Variants in MIGA1 observed in about 807,000 individuals in gnomAD.
The protein encoded by MIGA1 is mitoguardin 1, also known as family with sequence similarity 73, member A.
MIGA1 carries 58 observed loss-of-function variants against 82.0 expected under a neutral mutation model. That is an observed-to-expected ratio of 0.71 (90% CI 0.57 to 0.88). The LOEUF (loss-of-function observed/expected upper bound fraction) is 0.88, where lower values mean the gene tolerates loss of function less well. MIGA1 is among the 40% of genes least tolerant of loss of function. The probability of loss-of-function intolerance (pLI) is 0.00; values close to 1 mark genes in which losing one functional copy is unlikely to be tolerated. For synonymous variants in MIGA1, 249 were observed against 253.6 expected (o/e 0.98, Z 0.17); for missense variants, 751 against 749.1 (o/e 1.00, Z -0.03).
intron 1 of MIGA1, chr1:77,780,212 C>A: frequency 1.0e-6 from 1 of 985,826 alleles, no homozygotes. Flanking sequence ...CTGGTGAGGT[C>A]TCAGGTTCGG....
intron 8 of MIGA1, among the ~76,000 whole-genome samples, chr1:77,854,159 G>A (rs1386703483): frequency 1.3e-5 from 2 of 152,130 alleles, no homozygotes; most frequent in Non-Finnish European, 2.9e-5. Flanking sequence ...CCATTCCTGA[G>A]TTACTTCACT....
At chr1:77,843,955 C>T (rs576012575) in intron 8 of MIGA1, among the ~76,000 whole-genome samples, 1 of 151,350 alleles carries the variant, frequency 6.6e-6, no homozygotes, top group East Asian at 1.9e-4. Flanking sequence ...AAAAAATTAA[C>T]CAGATGTGGT....
At chr1:77,791,463 A>G (rs1252530255) in intron 2 of MIGA1, among the ~76,000 whole-genome samples, 1 of 151,798 alleles carries the variant, frequency 6.6e-6, no homozygotes, top group African/African-American at 2.4e-5. Flanking sequence ...GTCATTTAAT[A>G]TTACAAAATA....
chr1:77,827,862 G>A (rs1156242258), intron 7 of MIGA1, among the ~76,000 whole-genome samples: 1 of 152,126 alleles, frequency 6.6e-6, no homozygotes, highest in Non-Finnish European at 1.5e-5. Context: ...GCTTCTTGGA[G>A]ATTGGAGTGG....
intron 8 of MIGA1, among the ~76,000 whole-genome samples, chr1:77,849,611 A>T (rs1454679596): frequency 1.3e-5 from 2 of 152,234 alleles, no homozygotes; most frequent in Non-Finnish European, 2.9e-5. Context: ...AAATGAAAAT[A>T]AAAAATAGTG....
At chr1:77,789,697 G>T (rs1289420267) in intron 2 of MIGA1, among the ~76,000 whole-genome samples, 1 of 151,694 alleles carries the variant, frequency 6.6e-6, no homozygotes, top group Non-Finnish European at 1.5e-5. Context: ...TATTTGGCCA[G>T]TGAGAGTCTA....
Position 77,847,929 on chromosome 1 carries a change from A to G in MIGA1, c.996+4522A>G, listed in dbSNP as rs962374090. On this transcript the variant is annotated intron_variant, in intron 8 of 15. Transcript: ENST00000370791. ...TGATGAAATAAAGAAACTAGAGTGA[A>G]CTGCAGAAGGGAAAAGGTCGTAGAG... 5.7e-6 allele frequency: 8 copies of G among 1,397,970 alleles called. No homozygotes were observed. The African/African-American group carries it at 1.1e-4, about 20-fold the overall frequency. 86.6% of individuals were successfully genotyped at this position (1,397,970 alleles called of 1,614,324 possible). A position where few individuals can be genotyped will look rare whatever the true frequency, so the allele number is the denominator to read the frequency against.
At chr1:77,857,276 G>A (rs182485906) in intron 8 of MIGA1, among the ~76,000 whole-genome samples, 2 of 151,142 alleles carry the variant, frequency 1.3e-5, no homozygotes, top group East Asian at 1.9e-4. Context: ...ATTGAAATGC[G>A]AGGTACTATT....
intron 8 of MIGA1, among the ~76,000 whole-genome samples, chr1:77,857,503 C>T (rs1685306200): frequency 6.6e-6 from 1 of 152,054 alleles, no homozygotes; most frequent in Non-Finnish European, 1.5e-5. Flanking sequence ...GCATGAGCCA[C>T]TGCACCTGGC....
At chr1:77,859,130 G>A in intron 9 of MIGA1, 74 bp downstream of exon 9, 1 of 1,018,638 alleles carries the variant, frequency 9.8e-7, no homozygotes, top group Non-Finnish European at 1.5e-6. Flanking sequence ...AAATGTTTAT[G>A]AAAATAGGAG....
chr1:77,820,527 C>T (rs1683763288), intron 7 of MIGA1, among the ~76,000 whole-genome samples: 3 of 152,146 alleles, frequency 2.0e-5, no homozygotes, highest in Admixed American at 6.6e-5. Flanking sequence ...AACAGGGTAA[C>T]AATGTGTATT....
At chr1:77,835,415 T>C (rs533557722) in intron 7 of MIGA1, among the ~76,000 whole-genome samples, 2 of 152,192 alleles carry the variant, frequency 1.3e-5, no homozygotes, top group African/African-American at 4.8e-5. Context: ...AAATTTTTTT[T>C]AATTATAGAT....
chr1:77,864,665 C>T (rs1685596449), intron 13 of MIGA1, among the ~76,000 whole-genome samples: 1 of 152,062 alleles, frequency 6.6e-6, no homozygotes. Context: ...AACAAGAGTG[C>T]AACTCTATCT....
In MIGA1 at chr1:77,877,291, T is replaced by C. The variant is rs1279668096; in HGVS notation, c.*2227T>C. 6.6e-6 allele frequency: 1 copy of C among 152,240 alleles called. No homozygotes were observed. The highest frequency in any genetic ancestry group is 1.5e-5 in the Non-Finnish European group (1 of 68,044). 9.4% of individuals were successfully genotyped at this position (152,240 alleles called of 1,614,324 possible). ...ATTTATGTAAATTAACTATAAAATA[T>C]GGAATTCAGGATCATGCTGTTTTGC... On this transcript the variant is annotated 3_prime_UTR_variant, in exon 16 of 16. Coordinates refer to ENST00000370791, the MANE Select transcript of MIGA1 (RefSeq NM_198549.4).
At chr1:77,871,503 GA>G (rs929717352) in intron 14 of MIGA1, among the ~76,000 whole-genome samples, 17 of 142,290 alleles carry the variant, frequency 1.2e-4, no homozygotes, top group Non-Finnish European at 7.7e-5. Flanking sequence ...CTCCGTCTCA[GA>G]AAAAAAAAAA....
At chr1:77,836,215 C>T (rs1352506528) in intron 7 of MIGA1, among the ~76,000 whole-genome samples, 1 of 151,916 alleles carries the variant, frequency 6.6e-6, no homozygotes, top group Non-Finnish European at 1.5e-5. Context: ...AAAGTAAAGT[C>T]CCTCCACTCA....
At chr1:77,835,531 G>T (rs1684393551) in intron 7 of MIGA1, among the ~76,000 whole-genome samples, 1 of 152,128 alleles carries the variant, frequency 6.6e-6, no homozygotes, top group Admixed American at 6.5e-5. Flanking sequence ...CAACCAGTTT[G>T]GGGAAAGCTT....
chr1:77,862,618 G>A (rs537609317), intron 12 of MIGA1, among the ~76,000 whole-genome samples: 2 of 151,690 alleles, frequency 1.3e-5, no homozygotes, highest in Non-Finnish European at 2.9e-5. Flanking sequence ...GGCATGGAGC[G>A]CATGCCTGTA....
At chr1:77,790,278 C>T (rs1304863660) in intron 2 of MIGA1, among the ~76,000 whole-genome samples, 1 of 152,106 alleles carries the variant, frequency 6.6e-6, no homozygotes, top group East Asian at 1.9e-4. Flanking sequence ...TATAATCACA[C>T]TCACACCTTT....
Sources: allele counts gnomAD v4.1 joint callset (sites outside exome capture counted in the v4.1 genomes callset), GRCh38; gene constraint gnomAD v4.1.1; transcripts MANE v1.5; gene names NCBI Gene and HGNC (gene_info 2026-07-23, HGNC 2026-07-21).